The following PALM2AKAP2 variants were observed in gnomAD, a reference collection of about 807,000 sequenced individuals.
The protein encoded by PALM2AKAP2 is PALM2-AKAP2 fusion protein.
PALM2AKAP2 carries 37 observed loss-of-function variants against 71.5 expected under a neutral mutation model. The observed-to-expected ratio is 0.52, with a 90% confidence interval of 0.40 to 0.68. PALM2AKAP2 has a LOEUF of 0.68. Ranked by LOEUF, PALM2AKAP2 falls within the 30% of genes least tolerant of loss-of-function variation. The pLI is 0.00. For missense variants in PALM2AKAP2, 1,224 were observed against 1,191.8 expected, an observed-to-expected ratio of 1.03 and a Z score of -0.40; for synonymous variants, 468 against 478.8, an observed-to-expected ratio of 0.98 and a Z score of 0.29.
At chr9:110,077,098 G>A (rs1188651963) in intron 1 of PALM2AKAP2, among the ~76,000 whole-genome samples, 1 of 152,146 alleles carries the variant, frequency 6.6e-6, no homozygotes, top group East Asian at 1.9e-4. Flanking sequence ...GTTCTCCATA[G>A]CTCATAGCAT....
intron 3 of PALM2AKAP2, among the ~76,000 whole-genome samples, chr9:110,164,382 A>C (rs567707716): frequency 3.9e-5 from 6 of 152,204 alleles, no homozygotes; most frequent in Non-Finnish European, 7.3e-5. Flanking sequence ...TTGCTTTCAA[A>C]GTTAAGCAAT....
intron 6 of PALM2AKAP2, among the ~76,000 whole-genome samples, chr9:109,984,104 CT>C (rs948278694): frequency 6.6e-6 from 1 of 152,128 alleles, no homozygotes; most frequent in Non-Finnish European, 1.5e-5. Context: ...GTCTTGACCA[CT>C]TTTTGGTGCG....
intron 1 of PALM2AKAP2, among the ~76,000 whole-genome samples, chr9:109,807,259 A>C (rs759989322): frequency 2.0e-5 from 3 of 152,242 alleles, no homozygotes; most frequent in Non-Finnish European, 2.9e-5. Context: ...GTGAAGGGAA[A>C]ATAGGAATTC....
chr9:110,090,733 G>C (rs1834687223), intron 1 of PALM2AKAP2, among the ~76,000 whole-genome samples: 1 of 152,098 alleles, frequency 6.6e-6, no homozygotes. Flanking sequence ...TTTTTCCCTA[G>C]TAATTACTGT....
chr9:109,812,991 CA>C, intron 1 of PALM2AKAP2, among the ~76,000 whole-genome samples: 1 of 152,306 alleles, frequency 6.6e-6, no homozygotes, highest in East Asian at 1.9e-4. Flanking sequence ...CTTGGCCTTG[CA>C]AAATGAAGTG....
At chr9:109,723,233 C>T (rs1026394583) in intron 1 of PALM2AKAP2, among the ~76,000 whole-genome samples, 4 of 152,194 alleles carry the variant, frequency 2.6e-5, no homozygotes, top group African/African-American at 7.2e-5. Flanking sequence ...CGCTAGGAAA[C>T]CAGGCCTATC....
chr9:109,971,903 A>G (rs1010896470), intron 6 of PALM2AKAP2, among the ~76,000 whole-genome samples: 3 of 151,636 alleles, frequency 2.0e-5, no homozygotes, highest in Non-Finnish European at 2.9e-5. Flanking sequence ...CTTCTTTGCA[A>G]CTCCTGCCCG....
At chr9:110,080,668 T>G (rs1413824128) in intron 1 of PALM2AKAP2, among the ~76,000 whole-genome samples, 2 of 152,160 alleles carry the variant, frequency 1.3e-5, no homozygotes, top group East Asian at 3.8e-4. Flanking sequence ...TTTAGTTTTT[T>G]TAGGTTTTTT....
chr9:109,650,337 T>G (rs2132231912), intron 1 of PALM2AKAP2, among the ~76,000 whole-genome samples: 1 of 124,402 alleles, frequency 8.0e-6, no homozygotes, highest in East Asian at 2.0e-4. Flanking sequence ...AATTATACTC[T>G]GTTTGGCAGA....
At chr9:110,072,926 T>C (rs974677375) in intron 1 of PALM2AKAP2, among the ~76,000 whole-genome samples, 2 of 152,186 alleles carry the variant, frequency 1.3e-5, no homozygotes, top group Non-Finnish European at 2.9e-5. Flanking sequence ...GTGACCATTT[T>C]GATTCTCTAA....
chr9:109,714,641 A>G (rs1828289134), intron 1 of PALM2AKAP2, among the ~76,000 whole-genome samples: 1 of 152,184 alleles, frequency 6.6e-6, no homozygotes, highest in African/African-American at 2.4e-5. Context: ...CAACAAAGAT[A>G]ATTAACACCG....
intron 1 of PALM2AKAP2, among the ~76,000 whole-genome samples, chr9:109,787,772 A>G (rs117542263): frequency 0.025 from 3,880 of 152,362 alleles, 71 homozygotes; most frequent in Non-Finnish European, 0.036. Context: ...TAACTAGTTT[A>G]AAAACTTTAA....
At chr9:109,854,150 G>A (rs1421806697) in intron 1 of PALM2AKAP2, among the ~76,000 whole-genome samples, 3 of 152,116 alleles carry the variant, frequency 2.0e-5, no homozygotes, top group Non-Finnish European at 2.9e-5. Context: ...CTTGTTCCCT[G>A]CTGAACCACC....
intron 6 of PALM2AKAP2, among the ~76,000 whole-genome samples, chr9:109,973,312 A>G (rs1832107076): frequency 6.6e-6 from 1 of 152,180 alleles, no homozygotes; most frequent in South Asian, 2.1e-4. Flanking sequence ...TTCTCTCTAC[A>G]TTATGCTGTT....
chr9:109,669,069 T>G (rs532560391), intron 1 of PALM2AKAP2, among the ~76,000 whole-genome samples: 1 of 152,276 alleles, frequency 6.6e-6, no homozygotes, highest in East Asian at 1.9e-4. Context: ...TGGCTTGCAA[T>G]CGATGAAGAA....
chr9:109,644,914 C>A (rs1827126853), intron 1 of PALM2AKAP2, among the ~76,000 whole-genome samples: 1 of 152,330 alleles, frequency 6.6e-6, no homozygotes, highest in African/African-American at 2.4e-5. Flanking sequence ...TTGGTCAAGG[C>A]CATTCAGCAA....
intron 1 of PALM2AKAP2, among the ~76,000 whole-genome samples, chr9:109,706,451 C>G (rs1381255368): frequency 6.6e-6 from 1 of 152,098 alleles, no homozygotes; most frequent in Non-Finnish European, 1.5e-5. Flanking sequence ...TCATACATTA[C>G]TGGTGGGGAT....
chr9:109,893,084 T>A (rs1327190439), intron 3 of PALM2AKAP2, among the ~76,000 whole-genome samples: 6 of 151,816 alleles, frequency 4.0e-5, no homozygotes, highest in Non-Finnish European at 1.5e-5. Context: ...CTTGGAGGGG[T>A]ACACCTCACC....
chr9:109,646,642 A>G (rs1017138483), intron 1 of PALM2AKAP2, among the ~76,000 whole-genome samples: 1 of 152,206 alleles, frequency 6.6e-6, no homozygotes, highest in Non-Finnish European at 1.5e-5. Context: ...ATATGCCTTC[A>G]TTCATTCATC....
Sources: allele counts gnomAD v4.1 joint callset (sites outside exome capture counted in the v4.1 genomes callset), GRCh38; gene constraint gnomAD v4.1.1; transcripts MANE v1.5; gene names NCBI Gene and HGNC (gene_info 2026-07-23, HGNC 2026-07-21).